Variants in BMS1 observed in about 807,000 individuals in gnomAD.
BMS1 encodes BMS1 ribosome biogenesis factor.
In BMS1, 53 loss-of-function variants were observed where a neutral mutation model predicts 138.7. The ratio of observed to expected loss-of-function variants is 0.38; its 90% confidence interval spans 0.31 to 0.48. BMS1 has a LOEUF of 0.48. Ranked by LOEUF, BMS1 falls within the 20% of genes least tolerant of loss-of-function variation. BMS1 has a pLI of 0.97. For synonymous variants in BMS1, 504 were observed against 539.9 expected, an observed-to-expected ratio of 0.93 and a Z score of 0.92; for missense variants, 1,360 against 1,565.5, an observed-to-expected ratio of 0.87 and a Z score of 2.22.
chr10:42,820,305 A>G lies in BMS1; in HGVS notation c.2650A>G (p.Met884Val), dbSNP rs2419109. ...RVQYEGFRPG[M>V]YVRIEIENVP... ...TCAGTATGAGGGTTTTCGACCTGGG[A>G]TGTACGTCCGCATTGAGATTGAAAA... The change falls in exon 16 of 23, where the codon ATG (methionine) becomes GTG (valine). Residue 884 changes from methionine to valine, a missense_variant. Coordinates refer to ENST00000374518, the MANE Select transcript of BMS1 (RefSeq NM_014753.4). 1 of 1,613,752 alleles carries G rather than the reference A, an allele frequency of 6.2e-7. No individual in the cohort carries two copies. The highest frequency in any genetic ancestry group is 8.5e-7 in the Non-Finnish European group (1 of 1,179,856).
intron 3 of BMS1, among the ~76,000 whole-genome samples, chr10:42,786,389 G>A (rs1339373472): frequency 1.2e-4 from 18 of 152,104 alleles, no homozygotes; most frequent in Admixed American, 5.9e-4. Flanking sequence ...TAGTTGGATT[G>A]AGGCTTTTCT....
chr10:42,803,120 G>A (rs1036431162), intron 13 of BMS1, among the ~76,000 whole-genome samples: 1 of 152,224 alleles, frequency 6.6e-6, no homozygotes. Context: ...CTCGCAGACT[G>A]AAGCCTCCCG....
In BMS1 at chr10:42,802,121, G is replaced by C; in HGVS notation, c.2248-16G>C. On this transcript the variant is annotated splice_polypyrimidine_tract_variant and intron_variant, in intron 12 of 22. Transcript: ENST00000374518. Reference sequence around the variant, plus strand: ...GATTGGAACACCTCACCTAAGTGCTGACTTTTCTGCGTAAGGTTATGAACA... The same window carrying C: ...GATTGGAACACCTCACCTAAGTGCTCACTTTTCTGCGTAAGGTTATGAACA... 1 of 1,590,902 alleles carries C rather than the reference G, an allele frequency of 6.3e-7. No individual in the cohort carries two copies. The highest frequency in any genetic ancestry group is 8.6e-7 in the Non-Finnish European group (1 of 1,167,478).
intron 4 of BMS1, among the ~76,000 whole-genome samples, chr10:42,789,035 C>T (rs980869474): frequency 6.6e-6 from 1 of 152,178 alleles, no homozygotes; most frequent in Non-Finnish European, 1.5e-5. Flanking sequence ...GACTGCTCTG[C>T]TGTGGGTTGC....
At chr10:42,823,350 T>G in intron 20 of BMS1, 85 bp downstream of exon 20, 2 of 1,474,178 alleles carry the variant, frequency 1.4e-6, no homozygotes, top group Non-Finnish European at 1.8e-6. Context: ...TGGAGTCAGG[T>G]CTCTAGAGAG....
At chr10:42,805,879 A>T (rs563943728) in intron 13 of BMS1, among the ~76,000 whole-genome samples, 7 of 152,254 alleles carry the variant, frequency 4.6e-5, no homozygotes, top group African/African-American at 1.4e-4. Context: ...AGCTCACTGC[A>T]GCCTCTGCCT....
chr10:42,784,266 A>C lies in BMS1; in HGVS notation c.-33-96A>C, dbSNP rs907799536. Reference sequence around the variant, plus strand: ...CAGTGAACAAATACATCATCTCTTCATAAAGAAATAAATGAAATTTACTGT... The same window carrying C: ...CAGTGAACAAATACATCATCTCTTCCTAAAGAAATAAATGAAATTTACTGT... On this transcript the variant is annotated intron_variant, in intron 1 of 22. Coordinates refer to ENST00000374518, the MANE Select transcript of BMS1 (RefSeq NM_014753.4). 3 of 902,882 alleles carry C rather than the reference A, an allele frequency of 3.3e-6. No individual in the cohort carries two copies. In the African/African-American group the frequency reaches 5.0e-5, roughly 15 times the overall value. 55.9% of individuals were successfully genotyped at this position (902,882 alleles called of 1,614,324 possible).
At position 42,798,520 on chromosome 10, in the gene BMS1, G is replaced by T. The variant is rs1395728104; in HGVS notation, c.2142G>T (p.Gly714=). The T allele has an allele frequency of 6.8e-6, 11 of 1,614,138 alleles. 1 individual carries two copies. The Admixed American group carries it at 1.3e-4, about 20-fold the overall frequency. The change falls in exon 12 of 23, where the codon GGG becomes GGT. Residue 714 remains glycine, a synonymous_variant. Transcript: ENST00000374518. ...ATGATACTCTAGAAGAGCTTGGAGG[G>T]TTGTTTCGTGTCAACCAGCCTGACA... The part of the protein sequence containing the change: ...EDDDTLEELG[G]LFRVNQPDRE...
At chr10:42,795,518 A>C (rs1477684064) in intron 9 of BMS1, among the ~76,000 whole-genome samples, 1 of 148,772 alleles carries the variant, frequency 6.7e-6, no homozygotes, top group African/African-American at 2.5e-5. Context: ...ATTAGGTCTC[A>C]CCATGTTGCC....
At chr10:42,793,575 T>A (rs1436533521) in intron 8 of BMS1, among the ~76,000 whole-genome samples, 2 of 152,226 alleles carry the variant, frequency 1.3e-5, no homozygotes, top group Non-Finnish European at 2.9e-5. Context: ...TTTAAAATAT[T>A]AGAAAAGCTA....
chr10:42,786,013 C>T (rs1373493146), intron 3 of BMS1, among the ~76,000 whole-genome samples: 1 of 151,994 alleles, frequency 6.6e-6, no homozygotes, highest in Non-Finnish European at 1.5e-5. Flanking sequence ...GGTCCAGCCT[C>T]TTAAGGTGAT....
intron 13 of BMS1, among the ~76,000 whole-genome samples, chr10:42,812,008 C>G (rs1208678811): frequency 6.6e-6 from 1 of 152,032 alleles, no homozygotes; most frequent in Non-Finnish European, 1.5e-5. Flanking sequence ...TTTAGATTTG[C>G]TGTGATTTCT....
chr10:42,785,349 C>A, intron 2 of BMS1, 133 bp from the exon 3 acceptor site: 1 of 646,608 alleles, frequency 1.5e-6, no homozygotes, highest in Non-Finnish European at 2.5e-6. Context: ...GTCTGTTGTA[C>A]TCTCTATAAA....
At chr10:42,795,690 C>G (rs1284016537) in intron 9 of BMS1, among the ~76,000 whole-genome samples, 1 of 152,046 alleles carries the variant, frequency 6.6e-6, no homozygotes, top group Non-Finnish European at 1.5e-5. Flanking sequence ...TTTATGTTTT[C>G]TTAATTTTAT....
At chr10:42,789,662 A>G (rs138875455) in intron 4 of BMS1, among the ~76,000 whole-genome samples, 2 of 152,234 alleles carry the variant, frequency 1.3e-5, no homozygotes, top group African/African-American at 4.8e-5. Context: ...AGTTATCCAA[A>G]TTAACATATA....
chr10:42,797,751 A>G (rs981198662), intron 11 of BMS1, among the ~76,000 whole-genome samples: 12 of 152,240 alleles, frequency 7.9e-5, no homozygotes, highest in African/African-American at 2.9e-4. Context: ...CGTCCATTGC[A>G]TCATGTTATG....
intron 3 of BMS1, among the ~76,000 whole-genome samples, 173 bp downstream of exon 3, chr10:42,785,845 G>C (rs2132291196): frequency 6.6e-6 from 1 of 152,284 alleles, no homozygotes; most frequent in Non-Finnish European, 1.5e-5. Flanking sequence ...TAAGTTCCCA[G>C]AGATAAGGAT....
rs2419106 is a variant in BMS1 at position 42,820,512 on chromosome 10, G to A, written c.2774G>A (p.Arg925His). The A allele has an allele frequency of 2.2e-5, 36 of 1,610,416 alleles. 1 individual carries two copies. The highest frequency in any genetic ancestry group is 4.4e-4 in the Middle Eastern group (2 of 4,522). Residue 925 changes from arginine to histidine, a missense_variant, in exon 17 of 23, where the codon CGT becomes CAT. Physicochemically the swap from Arg to His is conservative, Grantham distance 29 (BLOSUM62 0). This residue lies in a region of BMS1 where 425 missense variants were observed against 568.3 expected (regional missense o/e 0.75). Transcript: ENST00000374518. ...SEGNVGYVQM[R>H]LKKHRWYKKI... ...CTTACCCTCTCGTCCCCTCAGATGC[G>A]TCTGAAGAAACATCGCTGGTATAAG...
intron 13 of BMS1, among the ~76,000 whole-genome samples, chr10:42,811,515 AT>A (rs869231584): frequency 8.9e-6 from 1 of 112,116 alleles, no homozygotes; most frequent in Non-Finnish European, 1.8e-5. Flanking sequence ...CACGTGTTGT[AT>A]TTTCTTTTTC....
Sources: gnomAD v4.1 joint callset for allele counts (sites outside exome capture counted in the v4.1 genomes callset) on GRCh38, gnomAD v4.1.1 for gene constraint, gnomAD v4.1.1 regional missense constraint, MANE v1.5 for transcripts, NCBI Gene and HGNC (gene_info 2026-07-23, HGNC 2026-07-21) for gene names.